The following MMP14 variants were observed in gnomAD, a reference collection of about 807,000 sequenced individuals.
MMP14 encodes matrix metalloproteinase-14.
A neutral mutation model predicts 64.8 loss-of-function variants in MMP14; 13 were observed. The observed-to-expected ratio is 0.20, with a 90% CI of 0.13 to 0.32. The LOEUF is 0.32. Ranked by LOEUF, MMP14 falls within the 10% of genes least tolerant of loss-of-function variation. The pLI, the probability that MMP14 is intolerant of heterozygous loss-of-function variation, is 1.00. For missense variants in MMP14, 594 were observed against 783.8 expected (o/e 0.76, Z 2.89); for synonymous variants, 322 against 315.9 (o/e 1.02, Z -0.20).
chr14:22,837,060 C>T, intron 1 of MMP14, 135 bp downstream of exon 1: 2 of 737,378 alleles, frequency 2.7e-6, no homozygotes, highest in South Asian at 1.6e-5. Flanking sequence ...GATTCCCCCT[C>T]CCTTTCTTTT....
Position 22,845,348 on chromosome 14 carries a change from T to C in MMP14, c.1399T>C (p.Phe467Leu), listed in dbSNP as rs768913182. 6.2e-6 allele frequency: 10 copies of C among 1,609,878 alleles called. No homozygotes were observed. The highest frequency in any genetic ancestry group is 2.7e-5 in the African/African-American group (2 of 74,790). Residue 467 changes from phenylalanine to leucine, a missense_variant, in exon 9 of 10, where the codon TTC becomes CTC. Physicochemically the swap from Phe to Leu is conservative, Grantham distance 22. Transcript: ENST00000311852. ...GATCCCTGAGTCTCCCAGAGGGTCA[T>C]TCATGGGCAGCGATGAAGGTGAGAG... is the stretch of plus-strand genomic sequence containing the variant. Reference protein sequence around the residue: ...EGIPESPRGSFMGSDEVFTYF... With the variant: ...EGIPESPRGSLMGSDEVFTYF...
chr14:22,846,933 C>G lies in MMP14; in HGVS notation c.*894C>G, dbSNP rs1387294833. 1 of 152,686 alleles carries G rather than the reference C, an allele frequency of 6.5e-6. No homozygotes were observed. Among genetic ancestry groups the G allele is most frequent in the Non-Finnish European group, 1.5e-5 (1 of 68,410 alleles). The allele number at this position is 152,686 out of a possible 1,614,324, so 9.5% of individuals were successfully genotyped here. ...AACTCAGGCAGCTGGGGCTGAGGCC[C>G]AAAGGCAGAACAGCCAGAGGGGGCA... On this transcript the variant is annotated 3_prime_UTR_variant, in exon 10 of 10. Coordinates refer to ENST00000311852, the MANE Select transcript of MMP14 (RefSeq NM_004995.4).
In MMP14 at chr14:22,836,835, A is replaced by T; in HGVS notation, c.18A>T (p.Arg6Ser). 1 of 1,609,016 alleles carries T rather than the reference A, an allele frequency of 6.2e-7. No individual in the cohort carries two copies. Among genetic ancestry groups the T allele is most frequent in the Non-Finnish European group, 8.5e-7 (1 of 1,177,164 alleles). The change falls in exon 1 of 10, where the codon AGA (arginine) becomes AGT (serine). Residue 6 changes from arginine (R) to serine (S), a missense_variant. By Grantham distance (110) the Arg-to-Ser change is moderately radical. Around this residue, in one of 4 missense-constraint regions of MMP14, gnomAD observed 45 missense variants for 48.8 expected, o/e 0.92. Coordinates refer to ENST00000311852, the MANE Select transcript of MMP14 (RefSeq NM_004995.4). MSPAP[R>S]PPRCLLLPLL... is the part of the protein sequence containing the mutation. ...CTCGGACCATGTCTCCCGCCCCAAG[A>T]CCCCCCCGTTGTCTCCTGCTCCCCC...
intron 6 of MMP14, 82 bp from the exon 7 acceptor site, chr14:22,844,289 G>A: frequency 1.9e-6 from 3 of 1,565,734 alleles, no homozygotes; most frequent in Non-Finnish European, 2.6e-6. Context: ...GGAACAAACA[G>A]CAGTGCGGGA....
chr14:22,846,394 G>A lies in MMP14; in HGVS notation c.*355G>A, dbSNP rs1831827952. On this transcript the variant is annotated 3_prime_UTR_variant, in exon 10 of 10. Coordinates refer to ENST00000311852, the MANE Select transcript of MMP14 (RefSeq NM_004995.4). ...CAGACCTCGCTGGTAAAGGTCAAAT[G>A]GGGTCATCTGCTCCTTTTCCATCCC... 1 of 259,334 alleles carries A rather than the reference G, an allele frequency of 3.9e-6. No individual in the cohort carries two copies. The highest frequency in any genetic ancestry group is 7.4e-6 in the Non-Finnish European group (1 of 136,040). The allele number at this position is 259,334 out of a possible 1,614,324, so 16.1% of individuals were successfully genotyped here.
At chr14:22,837,501 C>G (rs1047427647) in intron 1 of MMP14, 3 of 427,642 alleles carry the variant, frequency 7.0e-6, no homozygotes, top group South Asian at 1.6e-5. Context: ...CGAGAGGACC[C>G]CGCTGTGTCC....
At chr14:22,838,474 C>G (rs1192176063) in intron 1 of MMP14, among the ~76,000 whole-genome samples, 2 of 152,264 alleles carry the variant, frequency 1.3e-5, no homozygotes, top group East Asian at 3.9e-4. Flanking sequence ...CCAGGGCCTA[C>G]TGCAGAGCTG....
chr14:22,844,464 A>C lies in MMP14; in HGVS notation c.1105A>C (p.Asn369His), dbSNP rs969162971. ...CTGGCGGGGCCTGCCTGCGTCCATC[A>C]ACACTGCCTACGAGAGGAAGGATGG... is the stretch of plus-strand genomic sequence containing the variant. ...QFWRGLPASINTAYERKDGKF... is the reference protein window; with the variant it reads ...QFWRGLPASIHTAYERKDGKF... The change falls in exon 7 of 10, where the codon AAC becomes CAC. Residue 369 changes from asparagine (N) to histidine (H), a missense_variant. By Grantham distance (68) the Asn-to-His change is moderately conservative. Coordinates refer to ENST00000311852, the MANE Select transcript of MMP14 (RefSeq NM_004995.4). The C allele has an allele frequency of 6.2e-7, 1 of 1,614,152 alleles. No homozygotes were observed. The highest frequency in any genetic ancestry group is 1.3e-5 in the African/African-American group (1 of 75,032).
Position 22,845,896 on chromosome 14 carries a change from G to C in MMP14, c.1606G>C (p.Ala536Pro), listed in dbSNP as rs1465458128. ...TGAGGTGGACGAGGAGGGCGGCGGGGCGGTGAGCGCGGCTGCCGTGGTGCT... is the reference window on the plus strand; with the variant it reads ...TGAGGTGGACGAGGAGGGCGGCGGGCCGGTGAGCGCGGCTGCCGTGGTGCT... ...IIEVDEEGGG[A>P]VSAAAVVLPV... is the part of the protein sequence containing the mutation. The change falls in exon 10 of 10, where the codon GCG becomes CCG. Residue 536 changes from alanine (A) to proline (P), a missense_variant. Transcript: ENST00000311852. The C allele has an allele frequency of 1.2e-6, 2 of 1,612,032 alleles. No individual in the cohort carries two copies. Among genetic ancestry groups the C allele is most frequent in the Non-Finnish European group, 1.7e-6 (2 of 1,179,170 alleles).
intron 1 of MMP14, among the ~76,000 whole-genome samples, chr14:22,838,224 G>C (rs1256183651): frequency 2.6e-5 from 4 of 152,162 alleles, no homozygotes; most frequent in Non-Finnish European, 5.9e-5. Flanking sequence ...CCCAGGCCTA[G>C]AGTCCTCTGA....
intron 1 of MMP14, 165 bp downstream of exon 1, chr14:22,837,090 TC>T: frequency 1.4e-6 from 1 of 702,386 alleles, no homozygotes; most frequent in Non-Finnish European, 2.6e-6. Context: ...TCTCCAAACT[TC>T]CAGATCGATC....
In MMP14 at chr14:22,842,525, T is replaced by C; in HGVS notation, c.496T>C (p.Tyr166His). The change falls in exon 4 of 10, where the codon TAC becomes CAC. Residue 166 changes from tyrosine (Y) to histidine (H), a missense_variant. By Grantham distance (83) the Tyr-to-His change is moderately conservative (BLOSUM62 2). This residue lies in a region of MMP14 where 179 missense variants were observed against 283.4 expected (regional missense o/e 0.63). Coordinates refer to ENST00000311852, the MANE Select transcript of MMP14 (RefSeq NM_004995.4). This position sits in a 1 kb window ranked among gnomAD's most constrained non-coding sequence, Gnocchi z 5.3. ...PLRFREVPYA[Y>H]IREGHEKQAD... ...GCGCTTCCGCGAGGTGCCCTATGCCTACATCCGTGAGGGCCATGAGAAGCA... is the reference window on the plus strand; with the variant it reads ...GCGCTTCCGCGAGGTGCCCTATGCCCACATCCGTGAGGGCCATGAGAAGCA... The C allele has an allele frequency of 6.2e-7, 1 of 1,614,098 alleles. No homozygotes were observed. Among genetic ancestry groups the C allele is most frequent in the Non-Finnish European group, 8.5e-7 (1 of 1,179,984 alleles).
chr14:22,845,451 C>A, intron 9 of MMP14, 85 bp downstream of exon 9: 1 of 1,079,912 alleles, frequency 9.3e-7, no homozygotes, highest in Non-Finnish European at 1.4e-6. Context: ...TGAGGGAGTG[C>A]TGTGTGGAAA....
chr14:22,841,876 G>C, intron 2 of MMP14, 37 bp from the exon 3 acceptor site: 1 of 1,613,686 alleles, frequency 6.2e-7, no homozygotes, highest in Non-Finnish European at 8.5e-7. Flanking sequence ...TTCATACACT[G>C]CACTGATCCC....
At chr14:22,844,214 G>A (rs1204568298) in intron 6 of MMP14, among the ~76,000 whole-genome samples, 157 bp from the exon 7 acceptor site, 1 of 151,856 alleles carries the variant, frequency 6.6e-6, no homozygotes, top group East Asian at 1.9e-4. Flanking sequence ...AAAAAGGCGG[G>A]GGGGTACTCT....
intron 1 of MMP14, among the ~76,000 whole-genome samples, chr14:22,838,345 A>G (rs953184656): frequency 2.6e-5 from 4 of 151,930 alleles, no homozygotes; most frequent in African/African-American, 9.7e-5. Flanking sequence ...TGGGTCCCCC[A>G]GGGGAGGGGC....
In MMP14 at chr14:22,843,055, C is replaced by T. The variant is rs1278686224; in HGVS notation, c.689-202C>T. On this transcript the variant is annotated intron_variant, in intron 4 of 9. Coordinates refer to ENST00000311852, the MANE Select transcript of MMP14 (RefSeq NM_004995.4). The surrounding 1 kb of genome is among the most constrained non-coding windows in gnomAD (Gnocchi z 4.8). ...GGGATCGGGGTCCTGCTTCCAAGCA[C>T]TCTCTCACCTCCACCCAGAGGAGCT... Among the ~76,000 whole-genome samples the T allele has an allele frequency of 6.6e-6, 1 of 152,206 alleles. No homozygotes were observed. The highest frequency in any genetic ancestry group is 1.5e-5 in the Non-Finnish European group (1 of 68,036).
chr14:22,838,826 CTG>C (rs2039753054), intron 1 of MMP14, among the ~76,000 whole-genome samples: 1 of 152,156 alleles, frequency 6.6e-6, no homozygotes, highest in African/African-American at 2.4e-5. Context: ...CTCATAGTCT[CTG>C]TGAGGAGAGA....
Position 22,836,727 on chromosome 14 carries a change from A to C in MMP14, c.-91A>C, listed in dbSNP as rs1465762322. ...TTCAAGTTCAGTGCCTACCGAAGAC[A>C]AAGGCGCCCCGAGGGAGTGGCGGTG... is the stretch of plus-strand genomic sequence containing the variant. On this transcript the variant is annotated 5_prime_UTR_variant, in exon 1 of 10. Coordinates refer to ENST00000311852, the MANE Select transcript of MMP14 (RefSeq NM_004995.4). The C allele has an allele frequency of 3.1e-5, 22 of 698,462 alleles. No individual in the cohort carries two copies. Among genetic ancestry groups the C allele is most frequent in the Non-Finnish European group, 4.4e-5 (19 of 431,194 alleles). The allele number at this position is 698,462 out of a possible 1,614,324, so 43.3% of individuals were successfully genotyped here. A position where few individuals can be genotyped will look rare whatever the true frequency, so the allele number is the denominator to read the frequency against.
Sources: gnomAD v4.1 joint callset for allele counts (sites outside exome capture counted in the v4.1 genomes callset) on GRCh38, gnomAD v4.1.1 for gene constraint, gnomAD v4.1.1 regional missense constraint, Gnocchi (gnomAD v3.1) non-coding constraint, MANE v1.5 for transcripts, NCBI Gene and HGNC (gene_info 2026-07-23, HGNC 2026-07-21) for gene names.